PAX7: variants seen among roughly 807,000 people sequenced by gnomAD.
The protein encoded by PAX7 is paired box protein Pax-7.
In PAX7, 18 loss-of-function variants were observed where a neutral mutation model predicts 50.7. The ratio of observed to expected loss-of-function variants is 0.36; its 90% CI spans 0.25 to 0.53. The LOEUF is 0.53. PAX7 is among the 20% of genes least tolerant of loss of function. PAX7 has a pLI of 0.93. For missense variants in PAX7, 644 were observed against 702.9 expected (o/e 0.92, Z 0.95); for synonymous variants, 310 against 290.4 (o/e 1.07, Z -0.69).
At position 18,726,864 on chromosome 1, in the gene PAX7, G is replaced by C. The variant is rs1378750622; in HGVS notation, c.1156-8768G>C. 6.6e-6 allele frequency among the ~76,000 whole-genome samples: 1 copy of C among 152,162 alleles called. No homozygotes were observed. The highest frequency in any genetic ancestry group is 2.4e-5 in the African/African-American group (1 of 41,440). Reference sequence around the variant, plus strand: ...GTGGGAGGAGAAGAGACCCCACCAGGGTTGTGGGTGGCTAGCCCCCACCCT... The same window carrying C: ...GTGGGAGGAGAAGAGACCCCACCAGCGTTGTGGGTGGCTAGCCCCCACCCT... On this transcript the variant is annotated intron_variant, in intron 7 of 8. Coordinates refer to ENST00000420770, the MANE Select transcript of PAX7 (RefSeq NM_001135254.2). This position sits in a 1 kb window ranked among gnomAD's most constrained non-coding sequence, Gnocchi z 4.8.
chr1:18,706,393 A>G (rs915952711), intron 7 of PAX7, among the ~76,000 whole-genome samples: 2 of 150,934 alleles, frequency 1.3e-5, no homozygotes, highest in African/African-American at 4.9e-5. Context: ...TCCCTGACAC[A>G]TTGCCCAGAT....
intron 7 of PAX7, among the ~76,000 whole-genome samples, chr1:18,721,180 T>G (rs2089488164): frequency 6.6e-6 from 1 of 152,140 alleles, no homozygotes; most frequent in Admixed American, 6.5e-5. Context: ...TGCCCGGGCC[T>G]GAACCCCAGA....
Position 18,748,359 on chromosome 1 carries a change from A to C in PAX7, c.*3430A>C. The C allele has an allele frequency of 4.3e-6, 1 of 229,956 alleles. No homozygotes were observed. The highest frequency in any genetic ancestry group is 1.3e-3 in the Middle Eastern group (1 of 766). 14.2% of individuals were successfully genotyped at this position (229,956 alleles called of 1,614,324 possible). ...CCTCTCTCAGGCTGATGTTCTTCTC[A>C]TCAAGCTCCCGAATGTGTCTCGCAC... On this transcript the variant is annotated 3_prime_UTR_variant, in exon 9 of 9. Transcript: ENST00000420770.
chr1:18,662,969 GCC>G (rs920093815), intron 4 of PAX7, among the ~76,000 whole-genome samples: 5 of 152,004 alleles, frequency 3.3e-5, no homozygotes, highest in Non-Finnish European at 7.4e-5. Context: ...AAGCTTGTCA[GCC>G]TCTGCTTCCT....
intron 7 of PAX7, among the ~76,000 whole-genome samples, chr1:18,715,700 G>A (rs1239194696): frequency 1.3e-5 from 2 of 152,146 alleles, no homozygotes; most frequent in Non-Finnish European, 2.9e-5. Context: ...CTTCTGTAAG[G>A]TGAGGCTAAT....
chr1:18,705,880 T>C (rs2089277222), intron 7 of PAX7, among the ~76,000 whole-genome samples: 1 of 151,980 alleles, frequency 6.6e-6, no homozygotes, highest in African/African-American at 2.4e-5. Context: ...TCGGAGAAGC[T>C]CAGAGGCTCC....
rs531395841 is a variant in PAX7, at chr1:18,747,831, G to A, written c.*2902G>A. On this transcript the variant is annotated 3_prime_UTR_variant, in exon 9 of 9. Transcript: ENST00000420770. ...TATATATATATACTAAAAAAGGAAA[G>A]AAATCCCCCACAGTGTGTGTCGTGC... is the stretch of plus-strand genomic sequence containing the variant. The A allele has an allele frequency of 6.5e-4, 124 of 190,336 alleles. No homozygotes were observed. The highest frequency in any genetic ancestry group is 2.7e-3 in the African/African-American group (116 of 42,992). 11.8% of individuals were successfully genotyped at this position (190,336 alleles called of 1,614,324 possible).
rs139716670 is a variant in PAX7 at position 18,748,210 on chromosome 1, G to T, written c.*3281G>T. 3.5e-3 allele frequency: 787 copies of T among 225,156 alleles called. 3 individuals carry two copies. The highest frequency in any genetic ancestry group is 0.015 in the African/African-American group (686 of 44,950). The allele number at this position is 225,156 out of a possible 1,614,324, so 13.9% of individuals were successfully genotyped here. ...CTGACTCTGGCTTGAGAACAGGACG[G>T]GTCCCAGAGTTTGACCACTGCCAGA... On this transcript the variant is annotated 3_prime_UTR_variant, in exon 9 of 9. Coordinates refer to ENST00000420770, the MANE Select transcript of PAX7 (RefSeq NM_001135254.2).
chr1:18,737,111 C>T (rs936537136), intron 8 of PAX7, among the ~76,000 whole-genome samples: 9 of 152,286 alleles, frequency 5.9e-5, no homozygotes, highest in African/African-American at 2.2e-4. Flanking sequence ...ACACAGCCTC[C>T]ACCGCCTGGC....
At chr1:18,694,014 A>C (rs1017903239) in intron 5 of PAX7, among the ~76,000 whole-genome samples, 1 of 152,116 alleles carries the variant, frequency 6.6e-6, no homozygotes, top group Admixed American at 6.5e-5. Context: ...TTGACTTCCT[A>C]TCATACTCTG....
At chr1:18,672,954 C>T (rs1363667057) in intron 4 of PAX7, among the ~76,000 whole-genome samples, 2 of 152,102 alleles carry the variant, frequency 1.3e-5, no homozygotes, top group Admixed American at 1.3e-4. Flanking sequence ...AGAGCAAGCA[C>T]AGCACGGCGC....
In PAX7 at chr1:18,634,530, A is replaced by G; in HGVS notation, c.313A>G (p.Lys105Glu). The part of the protein sequence containing the change: ...SIRPGAIGGS[K>E]PRQVATPDVE... ...CCGGCCTGGGGCCATCGGCGGCAGC[A>G]AGCCCAGAGTGAGTGTCTTTGCCAC... Residue 105 changes from lysine to glutamate, a missense_variant, in exon 2 of 9, where the codon AAG (lysine) becomes GAG (glutamate). By Grantham distance (56) the Lys-to-Glu change is moderately conservative. Coordinates refer to ENST00000420770, the MANE Select transcript of PAX7 (RefSeq NM_001135254.2). This position sits in a 1 kb window ranked among gnomAD's most constrained non-coding sequence, Gnocchi z 4.0. The G allele has an allele frequency of 6.2e-7, 1 of 1,613,786 alleles. No individual in the cohort carries two copies. Among genetic ancestry groups the G allele is most frequent in the Non-Finnish European group, 8.5e-7 (1 of 1,179,998 alleles).
chr1:18,741,624 C>T (rs1931140766), intron 8 of PAX7, among the ~76,000 whole-genome samples: 1 of 152,162 alleles, frequency 6.6e-6, no homozygotes, highest in Admixed American at 6.5e-5. Flanking sequence ...AAAGACAGAG[C>T]TCTCAGCCCA....
intron 4 of PAX7, among the ~76,000 whole-genome samples, chr1:18,686,072 C>G (rs1174850738): frequency 6.6e-6 from 1 of 152,234 alleles, no homozygotes; most frequent in East Asian, 1.9e-4. Flanking sequence ...TAACGAGCCA[C>G]AAGCTGCCTT....
At position 18,644,848 on chromosome 1, in the gene PAX7, A is replaced by G. The variant is rs1044948462; in HGVS notation, c.586+8477A>G. On this transcript the variant is annotated intron_variant, in intron 4 of 8. Transcript: ENST00000420770. Reference sequence around the variant, plus strand: ...GCTCCCCCTTTTACCTATACCACCCAAAAGAGAAATTTTCCTCTGGAGTGT... The same window carrying G: ...GCTCCCCCTTTTACCTATACCACCCGAAAGAGAAATTTTCCTCTGGAGTGT... Among the ~76,000 whole-genome samples the G allele has an allele frequency of 2.0e-5, 3 of 152,298 alleles. No homozygotes were observed. The South Asian group carries it at 6.2e-4, about 32-fold the overall frequency.
At chr1:18,667,788 CT>C (rs1279601128) in intron 4 of PAX7, among the ~76,000 whole-genome samples, 1 of 152,100 alleles carries the variant, frequency 6.6e-6, no homozygotes, top group Non-Finnish European at 1.5e-5. Context: ...ATCCCTGTCC[CT>C]AAGCTAGCCT....
chr1:18,746,861 C>T lies in PAX7; in HGVS notation c.*1932C>T. 1 of 231,636 alleles carries T rather than the reference C, an allele frequency of 4.3e-6. No individual in the cohort carries two copies. The highest frequency in any genetic ancestry group is 2.2e-5 in the African/African-American group (1 of 45,374). The allele number at this position is 231,636 out of a possible 1,614,324, so 14.3% of individuals were successfully genotyped here. ...CTGTTCTGGACCATGACCAGGCTGG[C>T]TCATATCTCTGGTTTAGAGAAACCT... On this transcript the variant is annotated 3_prime_UTR_variant, in exon 9 of 9. Transcript: ENST00000420770.
At chr1:18,706,239 C>A (rs1235222284) in intron 7 of PAX7, among the ~76,000 whole-genome samples, 3 of 152,110 alleles carry the variant, frequency 2.0e-5, no homozygotes, top group Non-Finnish European at 4.4e-5. Flanking sequence ...CAGGGAGACG[C>A]CCTGTGAGGA....
chr1:18,671,629 T>C (rs1430625841), intron 4 of PAX7, among the ~76,000 whole-genome samples: 3 of 152,036 alleles, frequency 2.0e-5, no homozygotes, highest in Admixed American at 2.0e-4. Flanking sequence ...ATCCTGAATC[T>C]TGGCCCTGCC....
Sources: allele counts gnomAD v4.1 joint callset (sites outside exome capture counted in the v4.1 genomes callset), GRCh38; gene constraint gnomAD v4.1.1; non-coding constraint Gnocchi (gnomAD v3.1); transcripts MANE v1.5; gene names NCBI Gene and HGNC (gene_info 2026-07-23, HGNC 2026-07-21).